Variants in PSMD1 observed in about 807,000 individuals in gnomAD.
PSMD1 encodes proteasome 26S subunit, non-ATPase 1, also known as 26S proteasome non-ATPase regulatory subunit 1.
A neutral mutation model predicts 119.0 loss-of-function variants in PSMD1; 18 were observed. The observed-to-expected ratio is 0.15, with a 90% confidence interval of 0.10 to 0.22. The LOEUF (loss-of-function observed/expected upper bound fraction) is 0.22, where lower values mean the gene tolerates loss of function less well. PSMD1 is among the 10% of genes least tolerant of loss of function. The probability of loss-of-function intolerance (pLI) is 1.00; values close to 1 mark genes in which losing one functional copy is unlikely to be tolerated. For missense variants in PSMD1, 702 were observed against 1,158.5 expected (o/e 0.61, Z 5.72); for synonymous variants, 374 against 396.6 (o/e 0.94, Z 0.68).
At position 231,113,988 on chromosome 2, in the gene PSMD1, A is replaced by G. The variant is rs999503311; in HGVS notation, c.1884-24748A>G. The G allele has an allele frequency of 1.2e-4, 166 of 1,377,806 alleles. No individual in the cohort carries two copies. In the African/African-American group the frequency reaches 2.2e-3, roughly 18 times the overall value. 85.3% of individuals were successfully genotyped at this position (1,377,806 alleles called of 1,614,324 possible). ...TCTATAAAATGGCAACTTTCAGTCT[A>G]CAGTTTTTCAGGTGATACATCTTTT... On this transcript the variant is annotated intron_variant, in intron 16 of 24. Coordinates refer to ENST00000308696, the MANE Select transcript of PSMD1 (RefSeq NM_002807.4).
chr2:231,109,179 A>C, intron 16 of PSMD1: 1 of 1,614,228 alleles, frequency 6.2e-7, no homozygotes, highest in Non-Finnish European at 8.5e-7. Context: ...GACACAGTCA[A>C]CCATGTTAGG....
chr2:231,128,325 G>C (rs1311951544), intron 16 of PSMD1, among the ~76,000 whole-genome samples: 1 of 152,172 alleles, frequency 6.6e-6, no homozygotes, highest in African/African-American at 2.4e-5. Context: ...GTACAGATAA[G>C]GTAGAACTAA....
chr2:231,061,207 G>A (rs2125150389), intron 1 of PSMD1, 60 bp from the exon 2 acceptor site: 2 of 1,365,800 alleles, frequency 1.5e-6, no homozygotes, highest in Middle Eastern at 2.4e-4. Context: ...TTGACCAGGT[G>A]TTAATTTCCA....
intron 16 of PSMD1, among the ~76,000 whole-genome samples, chr2:231,112,993 C>T (rs1574740143): frequency 2.0e-5 from 3 of 152,132 alleles, no homozygotes; most frequent in South Asian, 4.1e-4. Context: ...GACAAAACCC[C>T]ACCTCTACCA....
intron 5 of PSMD1, among the ~76,000 whole-genome samples, chr2:231,068,547 A>G (rs74582990): frequency 0.083 from 12,604 of 152,254 alleles, 666 homozygotes; most frequent in East Asian, 0.21. Flanking sequence ...AAAATATTAA[A>G]TAGAAAATTC....
intron 23 of PSMD1, 61 bp downstream of exon 23, chr2:231,166,078 G>C (rs2125271674): frequency 7.1e-7 from 1 of 1,408,658 alleles, no homozygotes; most frequent in East Asian, 2.3e-5. Flanking sequence ...TAGGACAATA[G>C]AATATTGATA....
intron 16 of PSMD1, among the ~76,000 whole-genome samples, chr2:231,129,701 G>A (rs1198164683): frequency 1.3e-5 from 2 of 152,182 alleles, no homozygotes; most frequent in Admixed American, 6.5e-5. Context: ...ACAAATAGCA[G>A]TAGCTTAGAA....
intron 18 of PSMD1, among the ~76,000 whole-genome samples, chr2:231,146,706 G>T (rs1446733911): frequency 6.6e-6 from 1 of 152,182 alleles, no homozygotes; most frequent in Middle Eastern, 3.2e-3. Context: ...AATATAGGAT[G>T]CAAACTTAGG....
rs776644019 is a variant in PSMD1 at position 231,084,980 on chromosome 2, GAA to G, written c.1723-37_1723-36del. 1.0e-5 allele frequency: 16 copies of G among 1,529,162 alleles called. 1 individual carries two copies. The highest frequency in any genetic ancestry group is 1.9e-4 in the Middle Eastern group (1 of 5,384). 94.7% of individuals were successfully genotyped at this position (1,529,162 alleles called of 1,614,324 possible). A position where few individuals can be genotyped will look rare whatever the true frequency, so the allele number is the denominator to read the frequency against. ...ATTAGACTGTAGAAGTTAACTGTTT[GAA>G]ATAAGTTGATGATTAATGTTAAATT... On this transcript the variant is annotated intron_variant, in intron 14 of 24. Transcript: ENST00000308696.
intron 16 of PSMD1, among the ~76,000 whole-genome samples, chr2:231,126,340 G>A (rs1344767936): frequency 6.6e-6 from 1 of 152,096 alleles, no homozygotes; most frequent in Non-Finnish European, 1.5e-5. Context: ...GGAGACCTGA[G>A]GCAGGAGGAT....
intron 12 of PSMD1, among the ~76,000 whole-genome samples, chr2:231,082,011 T>C (rs986806131): frequency 6.6e-6 from 1 of 152,216 alleles, no homozygotes; most frequent in Non-Finnish European, 1.5e-5. Flanking sequence ...AGAGTTGTCC[T>C]CTCTGCCCAC....
At chr2:231,147,597 C>T (rs1409330094) in intron 18 of PSMD1, among the ~76,000 whole-genome samples, 1 of 152,194 alleles carries the variant, frequency 6.6e-6, no homozygotes, top group Non-Finnish European at 1.5e-5. Context: ...ACTTCTCATT[C>T]TACTAAGAAA....
At chr2:231,067,836 T>C (rs936498766) in intron 5 of PSMD1, among the ~76,000 whole-genome samples, 3 of 152,100 alleles carry the variant, frequency 2.0e-5, no homozygotes, top group African/African-American at 7.2e-5. Context: ...TTTGTATTTT[T>C]AGTAGAGTTG....
intron 16 of PSMD1, among the ~76,000 whole-genome samples, chr2:231,127,551 C>T (rs1157946315): frequency 2.0e-5 from 3 of 152,130 alleles, no homozygotes; most frequent in Non-Finnish European, 4.4e-5. Context: ...GACGGGGTTT[C>T]GCCATGTTGA....
At chr2:231,079,466 T>G in intron 10 of PSMD1, 70 bp from the exon 11 acceptor site, 1 of 1,083,080 alleles carries the variant, frequency 9.2e-7, no homozygotes, top group Middle Eastern at 2.7e-4. Context: ...GCTTTTAACC[T>G]TAGAGTTAAA....
chr2:231,098,871 C>G (rs1694795266), intron 16 of PSMD1, among the ~76,000 whole-genome samples: 1 of 152,180 alleles, frequency 6.6e-6, no homozygotes. Context: ...AATGGCCCCC[C>G]CTTCCTTGTG....
chr2:231,076,254 G>A (rs1462008935), intron 8 of PSMD1, among the ~76,000 whole-genome samples: 1 of 152,168 alleles, frequency 6.6e-6, no homozygotes, highest in Non-Finnish European at 1.5e-5. Flanking sequence ...GCAGCGTATT[G>A]GAAGGGTAGG....
At position 231,131,761 on chromosome 2, in the gene PSMD1, CAAAAAAAAAAAAAA is replaced by C. The variant is rs540366686; in HGVS notation, c.1884-6962_1884-6949del. ...TGGGCGACAGAGCGAGACTCCGTCTCAAAAAAAAAAAAAAAAAAAAAAAAAAGAAAGTTTTTTTG... is the reference window on the plus strand; with the variant it reads ...TGGGCGACAGAGCGAGACTCCGTCTCAAAAAAAAAAAAGAAAGTTTTTTTG... On this transcript the variant is annotated intron_variant, in intron 16 of 24. Coordinates refer to ENST00000308696, the MANE Select transcript of PSMD1 (RefSeq NM_002807.4). Among the ~76,000 whole-genome samples the C allele has an allele frequency of 6.8e-4, 8 of 11,842 alleles. 2 individuals are homozygous for C. Among genetic ancestry groups the C allele is most frequent in the African/African-American group, 3.8e-3 (2 of 522 alleles). The allele number at this position is 11,842 out of a possible 152,430, so 7.8% of individuals were successfully genotyped here. A position where few individuals can be genotyped will look rare whatever the true frequency, so the allele number is the denominator to read the frequency against.
At chr2:231,084,988 T>C (rs1553561061) in intron 14 of PSMD1, 31 bp from the exon 15 acceptor site, 1 of 1,551,908 alleles carries the variant, frequency 6.4e-7, no homozygotes, top group Non-Finnish European at 8.9e-7. Context: ...TTGAAATAAG[T>C]TGATGATTAA....
Sources: allele counts gnomAD v4.1 joint callset (sites outside exome capture counted in the v4.1 genomes callset), GRCh38; gene constraint gnomAD v4.1.1; transcripts MANE v1.5; gene names NCBI Gene and HGNC (gene_info 2026-07-23, HGNC 2026-07-21).